TSPAN18: variants seen among roughly 807,000 people sequenced by gnomAD.
The protein encoded by TSPAN18 is tetraspanin-18.
In TSPAN18, 14 loss-of-function variants were observed where a neutral mutation model predicts 27.3. That is an observed-to-expected ratio of 0.51 (90% CI 0.34 to 0.80). The LOEUF (loss-of-function observed/expected upper bound fraction) is 0.80, where lower values mean the gene tolerates loss of function less well. Among genes scored for constraint, TSPAN18 ranks in the 30% least tolerant of loss-of-function variants. TSPAN18 has a pLI of 0.01. For missense variants in TSPAN18, 268 were observed against 323.9 expected (o/e 0.83, Z 1.32); for synonymous variants, 143 against 136.5 (o/e 1.05, Z -0.33).
At chr11:44,728,192 TCA>T (rs1308402499) in intron 1 of TSPAN18, among the ~76,000 whole-genome samples, 1 of 152,126 alleles carries the variant, frequency 6.6e-6, no homozygotes, top group Non-Finnish European at 1.5e-5. Context: ...GGCGAAAGGT[TCA>T]CAGTTATAAC....
chr11:44,787,883 G>T (rs1386003163), intron 2 of TSPAN18, among the ~76,000 whole-genome samples: 2 of 151,080 alleles, frequency 1.3e-5, no homozygotes, highest in Non-Finnish European at 2.9e-5. Context: ...TTCCCAGCCT[G>T]TGTGTTTGCC....
rs1854746309 is a variant in TSPAN18 at position 44,734,737 on chromosome 11, C to G, written c.-240+7450C>G. Among the ~76,000 whole-genome samples the G allele has an allele frequency of 2.6e-5, 4 of 152,194 alleles. No homozygotes were observed. The South Asian group carries it at 8.3e-4, about 32-fold the overall frequency. ...AGGCCCATCTTTTCATGTCTAACTC[C>G]CACAGTGGGTTCAGGGCTGGGGGTG... is the stretch of plus-strand genomic sequence containing the variant. On this transcript the variant is annotated intron_variant, in intron 1 of 9. Coordinates refer to ENST00000520358, the MANE Select transcript of TSPAN18 (RefSeq NM_130783.5).
intron 3 of TSPAN18, among the ~76,000 whole-genome samples, chr11:44,902,129 C>T (rs1364527474): frequency 6.6e-6 from 1 of 152,214 alleles, no homozygotes; most frequent in Non-Finnish European, 1.5e-5. Flanking sequence ...TAACAGGGAA[C>T]AGCAGGCCTA....
chr11:44,886,557 T>G (rs966579249), intron 3 of TSPAN18: 3 of 152,124 alleles, frequency 2.0e-5, no homozygotes, highest in South Asian at 2.1e-4. Flanking sequence ...CACGGAGGGC[T>G]TTCGGGGCTG....
intron 2 of TSPAN18, among the ~76,000 whole-genome samples, chr11:44,817,147 G>A (rs978523274): frequency 2.0e-5 from 3 of 152,178 alleles, no homozygotes; most frequent in East Asian, 1.9e-4. Context: ...ATCAGCACAC[G>A]GAAGAGGCAG....
chr11:44,777,599 A>G (rs547662898), intron 2 of TSPAN18, among the ~76,000 whole-genome samples: 3 of 152,250 alleles, frequency 2.0e-5, no homozygotes, highest in African/African-American at 7.2e-5. Context: ...TTATTTATGC[A>G]TTTGTCTTTA....
intron 3 of TSPAN18, among the ~76,000 whole-genome samples, chr11:44,876,098 G>A (rs911015244): frequency 1.3e-5 from 2 of 152,144 alleles, no homozygotes; most frequent in African/African-American, 4.8e-5. Flanking sequence ...CTCCGGAGAG[G>A]AAGGACCCCT....
chr11:44,750,575 C>T (rs751041830), intron 1 of TSPAN18, among the ~76,000 whole-genome samples: 2 of 151,610 alleles, frequency 1.3e-5, no homozygotes, highest in Non-Finnish European at 2.9e-5. Flanking sequence ...CCTCCACTTC[C>T]CACATCCCCC....
intron 3 of TSPAN18, among the ~76,000 whole-genome samples, chr11:44,878,839 G>A (rs1241569737): frequency 6.6e-6 from 1 of 152,172 alleles, no homozygotes; most frequent in African/African-American, 2.4e-5. Flanking sequence ...AAAATGTGGT[G>A]GTAACATGTT....
At chr11:44,830,940 C>T (rs1857140041) in intron 2 of TSPAN18, among the ~76,000 whole-genome samples, 1 of 152,090 alleles carries the variant, frequency 6.6e-6, no homozygotes, top group South Asian at 2.1e-4. Context: ...AGCTAATTCA[C>T]ACTTAAAAAA....
intron 1 of TSPAN18, among the ~76,000 whole-genome samples, chr11:44,727,889 TG>T (rs1017426479): frequency 2.1e-5 from 3 of 142,254 alleles, no homozygotes; most frequent in African/African-American, 7.9e-5. Context: ...GAGTGCTGGG[TG>T]GGTGGGAGGC....
chr11:44,803,472 T>G lies in TSPAN18; in HGVS notation c.-153+38960T>G, dbSNP rs148095800. ...AGTACAGAAGTTCTTGAATGCTGAA[T>G]TTGGATTTAATTGTTCTGTCATTAG... On this transcript the variant is annotated intron_variant, in intron 2 of 9. Transcript: ENST00000520358. 8.5e-3 allele frequency among the ~76,000 whole-genome samples: 1,301 copies of G among 152,198 alleles called. 25 individuals carry two copies. Among genetic ancestry groups the G allele is most frequent in the African/African-American group, 0.03 (1,226 of 41,514 alleles).
chr11:44,736,679 A>G (rs1041283251), intron 1 of TSPAN18: 1 of 152,310 alleles, frequency 6.6e-6, no homozygotes, highest in East Asian at 1.9e-4. Flanking sequence ...GGACTCTGAT[A>G]TGCAGCCTCA....
chr11:44,765,016 C>G (rs187945620), intron 2 of TSPAN18, among the ~76,000 whole-genome samples: 5 of 152,296 alleles, frequency 3.3e-5, no homozygotes, highest in South Asian at 2.1e-4. Flanking sequence ...AACAGAAAAG[C>G]CTTGGTCTGT....
chr11:44,834,303 C>T (rs1228065395), intron 2 of TSPAN18, among the ~76,000 whole-genome samples: 1 of 152,106 alleles, frequency 6.6e-6, no homozygotes, highest in Non-Finnish European at 1.5e-5. Flanking sequence ...CCTCTCTCCT[C>T]TGCTTAGAAA....
intron 2 of TSPAN18, among the ~76,000 whole-genome samples, chr11:44,841,201 A>C (rs1428030289): frequency 6.6e-6 from 1 of 152,174 alleles, no homozygotes; most frequent in Non-Finnish European, 1.5e-5. Flanking sequence ...GACAGAAAAC[A>C]AGGTAGCCAG....
At chr11:44,762,028 T>C (rs1855465380) in intron 1 of TSPAN18, among the ~76,000 whole-genome samples, 1 of 152,218 alleles carries the variant, frequency 6.6e-6, no homozygotes, top group South Asian at 2.1e-4. Flanking sequence ...CCTTCTGCCC[T>C]GCACTGTGAG....
In TSPAN18 at chr11:44,909,807, T is replaced by A. The variant is rs1045664607; in HGVS notation, c.166T>A (p.Tyr56Asn). The change falls in exon 5 of 10, where the codon TAC becomes AAC. Residue 56 changes from tyrosine (Y) to asparagine (N), a missense_variant. Physicochemically the swap from Tyr to Asn is moderately radical, Grantham distance 143 (BLOSUM62 -2). Coordinates refer to ENST00000520358, the MANE Select transcript of TSPAN18 (RefSeq NM_130783.5). ...AANPLLLTGA[Y>N]ILLAMGGLLF... ...CAATCCTCTGCTCCTCACGGGCGCC[T>A]ACATCCTCCTGGCCATGGGGGGCCT... 1.2e-6 allele frequency: 2 copies of A among 1,613,952 alleles called. No homozygotes were observed. Among genetic ancestry groups the A allele is most frequent in the Non-Finnish European group, 1.7e-6 (2 of 1,179,998 alleles).
At chr11:44,844,570 A>C (rs188657715) in intron 2 of TSPAN18, among the ~76,000 whole-genome samples, 1 of 152,272 alleles carries the variant, frequency 6.6e-6, no homozygotes. Context: ...TTTAATTTGC[A>C]TTTCCCTGGT....
Sources: allele counts gnomAD v4.1 joint callset (sites outside exome capture counted in the v4.1 genomes callset), GRCh38; gene constraint gnomAD v4.1.1; transcripts MANE v1.5; gene names NCBI Gene and HGNC (gene_info 2026-07-23, HGNC 2026-07-21).